PPARGC1A: variants seen among roughly 807,000 people sequenced by gnomAD.
The protein encoded by PPARGC1A is PPARG coactivator 1 alpha.
PPARGC1A carries 25 observed loss-of-function variants against 88.7 expected under a neutral mutation model. The ratio of observed to expected loss-of-function variants is 0.28; its 90% CI spans 0.21 to 0.39. The LOEUF (loss-of-function observed/expected upper bound fraction) is 0.39. Ranked by LOEUF, PPARGC1A falls within the 10% of genes least tolerant of loss-of-function variation. PPARGC1A has a pLI of 1.00. For missense variants in PPARGC1A, 880 were observed against 968.7 expected (o/e 0.91, Z 1.22); for synonymous variants, 363 against 355.6 (o/e 1.02, Z -0.24).
At chr4:24,111,300 A>G in the PPARGC1A span, among the ~76,000 whole-genome samples, 2 of 152,178 alleles carry the variant, frequency 1.3e-5, no homozygotes, top group African/African-American at 2.4e-5. Flanking sequence ...CATTCTCCAG[A>G]CATACTTGAT....
At position 23,799,360 on chromosome 4, in the gene PPARGC1A, C is replaced by T. The variant is rs1310641611; in HGVS notation, c.2293+2370G>A. On this transcript the variant is annotated intron_variant, in intron 12 of 12. Coordinates refer to ENST00000264867, the MANE Select transcript of PPARGC1A (RefSeq NM_013261.5). The stretch of plus-strand genomic sequence containing the variant: ...CTATTTATTGAGCACCTATGTTATG[C>T]CAGACACGTGCTAATAGCATCACAA... Among the ~76,000 whole-genome samples, 5 of 152,284 alleles carry T rather than the reference C, an allele frequency of 3.3e-5. No homozygotes were observed. The East Asian group carries it at 7.7e-4, about 24-fold the overall frequency.
At chr4:24,090,878 C>T in the PPARGC1A span, among the ~76,000 whole-genome samples, 40 of 152,318 alleles carry the variant, frequency 2.6e-4, no homozygotes, top group East Asian at 4.8e-3. Flanking sequence ...GGTATTGTAA[C>T]GTATAAACAT....
chr4:24,435,122 T>C, the PPARGC1A span, among the ~76,000 whole-genome samples: 2 of 152,326 alleles, frequency 1.3e-5, no homozygotes, highest in South Asian at 2.1e-4. Context: ...GTTGGGCTTC[T>C]CCTGCCCCTT....
the PPARGC1A span, among the ~76,000 whole-genome samples, chr4:24,173,512 C>T: frequency 5.3e-5 from 8 of 152,086 alleles, no homozygotes; most frequent in African/African-American, 1.9e-4. Context: ...GCCTGGGCAA[C>T]CTAAGCAGAC....
At chr4:24,127,658 C>G in the PPARGC1A span, among the ~76,000 whole-genome samples, 179 of 152,056 alleles carry the variant, frequency 1.2e-3, 5 homozygotes, top group East Asian at 0.034. Context: ...TCCCTTTCTC[C>G]CAAGAGTAAA....
chr4:23,906,122 T>C (rs1225792967), upstream of PPARGC1A, among the ~76,000 whole-genome samples: 1 of 152,184 alleles, frequency 6.6e-6, no homozygotes, highest in African/African-American at 2.4e-5. Context: ...GAGTGCACTG[T>C]TCTTTGCAGA....
the PPARGC1A span, among the ~76,000 whole-genome samples, chr4:24,111,851 C>A: frequency 6.6e-6 from 1 of 152,174 alleles, no homozygotes; most frequent in Non-Finnish European, 1.5e-5. Flanking sequence ...CACATATAGC[C>A]ACACATATAT....
chr4:24,067,361 C>A, the PPARGC1A span, among the ~76,000 whole-genome samples: 2 of 152,132 alleles, frequency 1.3e-5, no homozygotes, highest in Non-Finnish European at 2.9e-5. Flanking sequence ...TTTAAATATG[C>A]TTTATAAAAA....
At chr4:24,174,157 C>T in the PPARGC1A span, among the ~76,000 whole-genome samples, 1 of 152,124 alleles carries the variant, frequency 6.6e-6, no homozygotes, top group African/African-American at 2.4e-5. Context: ...AGTGGTATTG[C>T]TAATTGCAGA....
At chr4:24,293,778 G>A in the PPARGC1A span, among the ~76,000 whole-genome samples, 10 of 151,388 alleles carry the variant, frequency 6.6e-5, no homozygotes, top group South Asian at 8.4e-4. Context: ...TCAAATTCTC[G>A]TATTAAGTCA....
At chr4:23,986,023 A>C in the PPARGC1A span, among the ~76,000 whole-genome samples, 1 of 151,844 alleles carries the variant, frequency 6.6e-6, no homozygotes, top group African/African-American at 2.4e-5. Context: ...TAAGATAAGA[A>C]GACTTGATTT....
intron 12 of PPARGC1A, among the ~76,000 whole-genome samples, chr4:23,801,363 C>A (rs1203282317): frequency 6.7e-6 from 1 of 149,064 alleles, no homozygotes; most frequent in African/African-American, 2.6e-5. Flanking sequence ...CACACACAGA[C>A]ACACACAATA....
At chr4:23,871,328 G>T (rs1425954468) in intron 2 of PPARGC1A, among the ~76,000 whole-genome samples, 1 of 152,216 alleles carries the variant, frequency 6.6e-6, no homozygotes, top group Non-Finnish European at 1.5e-5. Context: ...TAGGATTAAA[G>T]GAGCTAGACA....
the PPARGC1A span, among the ~76,000 whole-genome samples, chr4:24,364,196 C>T: frequency 2.0e-5 from 3 of 150,286 alleles, no homozygotes; most frequent in African/African-American, 5.0e-5. Flanking sequence ...ATTCCAATGA[C>T]TCTAAAGTGT....
At chr4:23,913,013 G>A in the PPARGC1A span, among the ~76,000 whole-genome samples, 1 of 147,358 alleles carries the variant, frequency 6.8e-6, no homozygotes, top group Non-Finnish European at 1.5e-5. Flanking sequence ...CACCATGTTA[G>A]CCAGGATGGT....
the PPARGC1A span, among the ~76,000 whole-genome samples, chr4:24,199,024 C>T: frequency 1.3e-5 from 2 of 152,158 alleles, no homozygotes; most frequent in Admixed American, 6.5e-5. Context: ...GCCCTCTCTG[C>T]CACCCTACTC....
At chr4:23,974,419 G>A in the PPARGC1A span, among the ~76,000 whole-genome samples, 22 of 152,166 alleles carry the variant, frequency 1.4e-4, no homozygotes, top group African/African-American at 5.3e-4. Context: ...GACCTTTGAG[G>A]TCAAAATCCT....
At chr4:23,830,765 T>C (rs922645846) in intron 3 of PPARGC1A, among the ~76,000 whole-genome samples, 1 of 152,172 alleles carries the variant, frequency 6.6e-6, no homozygotes, top group Non-Finnish European at 1.5e-5. Flanking sequence ...CTATCATAGA[T>C]GAGAAGGTAA....
intron 1 of PPARGC1A, among the ~76,000 whole-genome samples, chr4:23,898,318 A>G (rs1203462009): frequency 6.6e-6 from 1 of 152,186 alleles, no homozygotes; most frequent in Non-Finnish European, 1.5e-5. Context: ...TCCTTTGTAC[A>G]TACGACTCTA....
Sources: gnomAD v4.1 joint callset for allele counts (sites outside exome capture counted in the v4.1 genomes callset) on GRCh38, gnomAD v4.1.1 for gene constraint, MANE v1.5 for transcripts, NCBI Gene and HGNC (gene_info 2026-07-23, HGNC 2026-07-21) for gene names.